ANKRD36: variants seen among roughly 807,000 people sequenced by gnomAD.
ANKRD36 encodes the protein ankyrin repeat domain-containing protein 36A.
A neutral mutation model predicts 278.1 loss-of-function variants in ANKRD36; 179 were observed. The ratio of observed to expected loss-of-function variants is 0.64; its 90% CI spans 0.57 to 0.73. The LOEUF (loss-of-function observed/expected upper bound fraction) is 0.73. ANKRD36 is among the 30% of genes least tolerant of loss of function. The pLI, the probability that ANKRD36 is intolerant of heterozygous loss-of-function variation, is 0.00. For missense variants in ANKRD36, 1,159 were observed against 1,956.7 expected, an observed-to-expected ratio of 0.59 and a Z score of 7.69; for synonymous variants, 320 against 641.1, an observed-to-expected ratio of 0.50 and a Z score of 7.57.
At chr2:97,183,365 A>C in intron 26 of ANKRD36, 94 bp from the exon 27 acceptor site, 4 of 1,391,584 alleles carry the variant, frequency 2.9e-6, no homozygotes, top group Non-Finnish European at 3.9e-6. Flanking sequence ...TAGTGCAGGC[A>C]GGAGGATACA....
chr2:97,202,419 C>G (rs1343750555), intron 48 of ANKRD36, 26 bp downstream of exon 48: 4 of 1,543,988 alleles, frequency 2.6e-6, no homozygotes, highest in East Asian at 4.9e-5. Flanking sequence ...GATTTAATGT[C>G]ATGTTCAGTC....
In ANKRD36 at chr2:97,127,059, A is replaced by G. The variant is rs954585290; in HGVS notation, c.732-8A>G. On this transcript the variant is annotated splice_polypyrimidine_tract_variant and splice_region_variant and intron_variant, in intron 5 of 75. Transcript: ENST00000420699. ...TAAAATATTAATTTCATTTATTTTT[A>G]TGCATAGCATTTTTGATCTAATTTA... The G allele has an allele frequency of 2.6e-5, 29 of 1,113,104 alleles. 1 individual carries two copies. In the African/African-American group the frequency reaches 3.7e-4, roughly 14 times the overall value. 69.0% of individuals were successfully genotyped at this position (1,113,104 alleles called of 1,614,324 possible). A position where few individuals can be genotyped will look rare whatever the true frequency, so the allele number is the denominator to read the frequency against.
intron 48 of ANKRD36, 117 bp from the exon 49 acceptor site, chr2:97,203,951 T>C (rs2062088069): frequency 6.8e-7 from 1 of 1,463,856 alleles, no homozygotes; most frequent in Non-Finnish European, 9.2e-7. Context: ...TTAGAAGCCA[T>C]CAAAGCATAC....
At chr2:97,208,907 T>G (rs1232909751) in intron 54 of ANKRD36, among the ~76,000 whole-genome samples, 7 of 146,804 alleles carry the variant, frequency 4.8e-5, no homozygotes, top group Non-Finnish European at 7.4e-5. Context: ...TGCAGTGATT[T>G]CTGAATGAAA....
chr2:97,206,055 C>G lies in ANKRD36; in HGVS notation c.3091-8C>G, dbSNP rs748714226. ...TTTATTTATTATTTTGTTTCAAATTCCATTCAGGCTACAAGTGATGAGGAA... is the reference window on the plus strand; with the variant it reads ...TTTATTTATTATTTTGTTTCAAATTGCATTCAGGCTACAAGTGATGAGGAA... On this transcript the variant is annotated splice_polypyrimidine_tract_variant and splice_region_variant and intron_variant, in intron 51 of 75. Coordinates refer to ENST00000420699, the MANE Select transcript of ANKRD36 (RefSeq NM_001354587.1). The G allele has an allele frequency of 1.2e-5, 19 of 1,549,310 alleles. No individual in the cohort carries two copies. In the East Asian group the frequency reaches 4.1e-4, roughly 33 times the overall value.
intron 36 of ANKRD36, among the ~76,000 whole-genome samples, chr2:97,192,496 G>A (rs1451815885): frequency 6.6e-6 from 1 of 151,684 alleles, no homozygotes; most frequent in African/African-American, 2.4e-5. Flanking sequence ...AGACATGTGG[G>A]ATCATGTAGC....
intron 1 of ANKRD36, among the ~76,000 whole-genome samples, chr2:97,115,858 T>C (rs2035170261): frequency 6.6e-6 from 1 of 150,916 alleles, no homozygotes; most frequent in African/African-American, 2.4e-5. Context: ...CTGCTTAAAA[T>C]AGCAATGTAT....
intron 66 of ANKRD36, among the ~76,000 whole-genome samples, chr2:97,222,654 T>G (rs2068091408): frequency 6.6e-6 from 1 of 152,156 alleles, no homozygotes; most frequent in Non-Finnish European, 1.5e-5. Flanking sequence ...ATTTTGCTAC[T>G]ATTTCTGAGC....
chr2:97,144,694 G>C lies in ANKRD36; in HGVS notation c.985G>C (p.Glu329Gln). 6.5e-7 allele frequency: 1 copy of C among 1,544,172 alleles called. No homozygotes were observed. The highest frequency in any genetic ancestry group is 8.7e-7 in the Non-Finnish European group (1 of 1,146,372). ...VSNTATEIKDEQKSGTVLPAV... is the reference protein window; with the variant it reads ...VSNTATEIKDQQKSGTVLPAV... ...GAACACAGCCACAGAAATAAAAGAT[G>C]AACAAAAATCTGGGACAGGTAATTT... The change falls in exon 10 of 76, where the codon GAA becomes CAA. Residue 329 changes from glutamate to glutamine, a missense_variant. Glu to Gln is a conservative substitution (Grantham distance 29, BLOSUM62 2). Coordinates refer to ENST00000420699, the MANE Select transcript of ANKRD36 (RefSeq NM_001354587.1).
chr2:97,210,142 T>A (rs1225424372), intron 56 of ANKRD36, among the ~76,000 whole-genome samples: 3 of 151,814 alleles, frequency 2.0e-5, no homozygotes, highest in Non-Finnish European at 4.4e-5. Context: ...GGGAACAACA[T>A]AATTTTACTT....
chr2:97,124,685 T>G (rs567976661), intron 5 of ANKRD36, 88 bp downstream of exon 5: 57 of 1,432,534 alleles, frequency 4.0e-5, no homozygotes, highest in Admixed American at 2.3e-4. Flanking sequence ...AGGTGAGATT[T>G]CATAGTTTGG....
rs1491563415 is a variant in ANKRD36, at chr2:97,164,932, CAT to C, written c.1531+464_1531+465del. Among the ~76,000 whole-genome samples, 14 of 152,068 alleles carry C rather than the reference CAT, an allele frequency of 9.2e-5. No homozygotes were observed. The South Asian group carries it at 2.3e-3, about 25-fold the overall frequency. ...TTCTGATTACCGGATTGAGTTTCTGCATGTGTGTGTGTGTGTATCTCTGATTA... is the reference window on the plus strand; with the variant it reads ...TTCTGATTACCGGATTGAGTTTCTGCGTGTGTGTGTGTGTATCTCTGATTA... On this transcript the variant is annotated intron_variant, in intron 20 of 75. Transcript: ENST00000420699.
intron 22 of ANKRD36, among the ~76,000 whole-genome samples, chr2:97,177,969 A>G (rs867025336): frequency 1.1e-3 from 164 of 149,228 alleles, no homozygotes; most frequent in African/African-American, 3.8e-3. Context: ...ATGAACTCAA[A>G]CAAATTTACA....
intron 10 of ANKRD36, among the ~76,000 whole-genome samples, chr2:97,145,721 A>G (rs567009657): frequency 8.7e-4 from 133 of 152,186 alleles, no homozygotes; most frequent in African/African-American, 3.1e-3. Flanking sequence ...AGGTTTGTAT[A>G]TAATACCTTG....
At chr2:97,120,426 A>G (rs183451249) in intron 3 of ANKRD36, among the ~76,000 whole-genome samples, 1 of 122,588 alleles carries the variant, frequency 8.2e-6, no homozygotes, top group Admixed American at 8.2e-5. Flanking sequence ...GCTTTAATTG[A>G]TAAGCCATTG....
intron 62 of ANKRD36, chr2:97,216,637 CAG>C (rs2065993703): frequency 4.5e-6 from 1 of 220,218 alleles, no homozygotes; most frequent in Non-Finnish European, 8.7e-6. Context: ...TTTCAGCAAA[CAG>C]ATATCCAAGG....
At chr2:97,210,921 A>G (rs1212459386) in intron 56 of ANKRD36, among the ~76,000 whole-genome samples, 10 of 151,874 alleles carry the variant, frequency 6.6e-5, no homozygotes, top group Admixed American at 1.3e-4. Flanking sequence ...GGAAGTCTAA[A>G]CTAGTGGATA....
intron 36 of ANKRD36, among the ~76,000 whole-genome samples, chr2:97,192,414 A>T (rs1361031610): frequency 1.3e-5 from 2 of 151,734 alleles, no homozygotes; most frequent in Non-Finnish European, 2.9e-5. Flanking sequence ...TTTCTCAGTT[A>T]TTGGGCAAGT....
In ANKRD36 at chr2:97,149,318, T is replaced by A; in HGVS notation, c.1058T>A (p.Val353Asp). Residue 353 changes from valine (V) to aspartate (D), a missense_variant, in exon 12 of 76, where the codon GTT (valine) becomes GAT (aspartate). Coordinates refer to ENST00000420699, the MANE Select transcript of ANKRD36 (RefSeq NM_001354587.1). Reference protein sequence around the residue: ...LNRSLYRPDAVAQPVTENEFS... With the variant: ...LNRSLYRPDADAQPVTENEFS... ...AGGAGTCTCTACAGACCTGATGCTG[T>A]TGCACAGCCTGTGACAGAGAATGAG... 6.5e-7 allele frequency: 1 copy of A among 1,534,294 alleles called. No individual in the cohort carries two copies. The highest frequency in any genetic ancestry group is 1.7e-4 in the Middle Eastern group (1 of 5,976).
Sources: gnomAD v4.1 joint callset for allele counts (sites outside exome capture counted in the v4.1 genomes callset) on GRCh38, gnomAD v4.1.1 for gene constraint, MANE v1.5 for transcripts, NCBI Gene and HGNC (gene_info 2026-07-23, HGNC 2026-07-21) for gene names.